The following SMC1A variants were observed in gnomAD, a reference collection of about 807,000 sequenced individuals.
SMC1A encodes the protein structural maintenance of chromosomes 1A.
In SMC1A, 4 loss-of-function variants were observed where a neutral mutation model predicts 94.5. The ratio of observed to expected loss-of-function variants is 0.04; its 90% CI spans 0.02 to 0.10. The LOEUF (loss-of-function observed/expected upper bound fraction) is 0.10, where lower values mean the gene tolerates loss of function less well. Ranked by LOEUF, SMC1A falls within the 10% of genes least tolerant of loss-of-function variation. The probability of loss-of-function intolerance (pLI) is 1.00; values close to 1 mark genes in which losing one functional copy is unlikely to be tolerated. For synonymous variants in SMC1A, 345 were observed against 347.7 expected (o/e 0.99, Z 0.09); for missense variants, 304 against 989.0 (o/e 0.31, Z 9.29).
intron 19 of SMC1A, among the ~76,000 whole-genome samples, chrX:53,388,864 G>A (rs917622851): frequency 9.3e-6 from 1 of 107,475 alleles, no homozygotes; most frequent in Admixed American, 1.0e-4. Flanking sequence ...GGGCGTGGTG[G>A]CGGGCGCCTG....
chrX:53,411,694 G>A, intron 7 of SMC1A, 67 bp downstream of exon 7: 1 of 1,150,945 alleles, frequency 8.7e-7, no homozygotes, highest in Non-Finnish European at 1.2e-6. Context: ...TTTTGGATTT[G>A]GGATGCTCAA....
At chrX:53,400,652 G>A (rs1028259892) in intron 15 of SMC1A, among the ~76,000 whole-genome samples, 1 of 111,066 alleles carries the variant, frequency 9.0e-6, no homozygotes, top group Non-Finnish European at 1.9e-5. Flanking sequence ...CAAAAACATG[G>A]AGAAAATACT....
intron 1 of SMC1A, among the ~76,000 whole-genome samples, chrX:53,417,551 C>CA (rs1318273895): frequency 0.019 from 458 of 24,023 alleles, 7 homozygotes; most frequent in East Asian, 0.025. Context: ...AACTCCATCT[C>CA]AAAAAAAAAA....
chrX:53,391,393 A>G (rs2075628984), intron 19 of SMC1A, among the ~76,000 whole-genome samples: 1 of 106,926 alleles, frequency 9.4e-6, no homozygotes, highest in African/African-American at 3.4e-5. Flanking sequence ...CTGAAACAGG[A>G]GGATCACTTG....
At chrX:53,399,994 T>C (rs1328903195) in intron 15 of SMC1A, among the ~76,000 whole-genome samples, 1 of 111,256 alleles carries the variant, frequency 9.0e-6, no homozygotes, top group Admixed American at 9.6e-5. Flanking sequence ...TATCCCCCTT[T>C]AAACAATGAA....
At chrX:53,402,266 T>C (rs2075673070) in intron 15 of SMC1A, among the ~76,000 whole-genome samples, 1 of 110,976 alleles carries the variant, frequency 9.0e-6, no homozygotes, top group Admixed American at 9.7e-5. Flanking sequence ...GCAAAGACTG[T>C]GTTGTGTTCA....
At position 53,379,889 on chromosome X, in the gene SMC1A, C is replaced by A; in HGVS notation, c.*214G>T. The stretch of plus-strand genomic sequence containing the variant: ...ATGGCCCTGTTCAGCTCAGCACCTC[C>A]TTTCAGAGGCCAGAATACTCCCTGT... On this transcript the variant is annotated 3_prime_UTR_variant, in exon 25 of 25. Coordinates refer to ENST00000322213, the MANE Select transcript of SMC1A (RefSeq NM_006306.4). 2.2e-6 allele frequency: 1 copy of A among 447,036 alleles called. No homozygotes were observed. Among genetic ancestry groups the A allele is most frequent in the Non-Finnish European group, 3.9e-6 (1 of 253,218 alleles). The allele number at this position is 447,036 out of a possible 1,213,427, so 36.8% of individuals were successfully genotyped here. A position where few individuals can be genotyped will look rare whatever the true frequency, so the allele number is the denominator to read the frequency against.
In SMC1A at chrX:53,380,702, G is replaced by A; in HGVS notation, c.3536C>T (p.Thr1179Ile). The stretch of plus-strand genomic sequence containing the variant: ...GATGACGATGGCCTGGAAGTTGCAA[G>A]TCGACTGCTCCTTGATGTAATTTGC... ...KVANYIKEQS[T>I]CNFQAIVISL... The change falls in exon 24 of 25, where the codon ACT becomes ATT. Residue 1179 changes from threonine (T) to isoleucine (I), a missense_variant. Physicochemically the swap from Thr to Ile is moderately conservative, Grantham distance 89 (BLOSUM62 -1). Around this residue, in one of 11 missense-constraint regions of SMC1A, gnomAD observed 24 missense variants for 43.5 expected, o/e 0.55. Transcript: ENST00000322213. 2.5e-6 allele frequency: 3 copies of A among 1,210,050 alleles called. No homozygotes were observed. The East Asian group carries it at 8.9e-5, about 36-fold the overall frequency.
chrX:53,415,816 GAAC>G (rs1556891201), intron 1 of SMC1A, among the ~76,000 whole-genome samples: 2 of 64,361 alleles, frequency 3.1e-5, no homozygotes, highest in African/African-American at 1.3e-4. Context: ...CTGGGTGACA[GAAC>G]AAGACTCTCT....
intron 1 of SMC1A, among the ~76,000 whole-genome samples, chrX:53,419,326 A>C (rs1556891721): frequency 9.1e-6 from 1 of 110,066 alleles, no homozygotes. Flanking sequence ...CGGGAGTTTG[A>C]GACCAGCCTG....
chrX:53,413,077 A>T lies in SMC1A; in HGVS notation c.677T>A (p.Phe226Tyr). ...TTCCACTTCATTATGGTAAAGCTTA[A>T]AGAGCTGCAGCTGTACCTGAGCCCG... ...VVRAQVQLQL[F>Y]KLYHNEVEIE... is the part of the protein sequence containing the mutation. Residue 226 changes from phenylalanine (F) to tyrosine (Y), a missense_variant, in exon 5 of 25, where the codon TTT (phenylalanine) becomes TAT (tyrosine). Phe to Tyr is a conservative substitution (Grantham distance 22, BLOSUM62 3). Around this residue, in one of 11 missense-constraint regions of SMC1A, gnomAD observed 120 missense variants for 314.9 expected, o/e 0.38. Coordinates refer to ENST00000322213, the MANE Select transcript of SMC1A (RefSeq NM_006306.4). The T allele has an allele frequency of 8.3e-7, 1 of 1,211,526 alleles. No homozygotes were observed. The highest frequency in any genetic ancestry group is 1.1e-6 in the Non-Finnish European group (1 of 895,490).
chrX:53,380,863 C>A (rs1292195475), intron 23 of SMC1A, 133 bp from the exon 24 acceptor site: 2 of 621,755 alleles, frequency 3.2e-6, no homozygotes, highest in Non-Finnish European at 5.4e-6. Context: ...TGAGAGGAGA[C>A]TACTGACTAC....
At chrX:53,390,203 G>A (rs1259660381) in intron 19 of SMC1A, among the ~76,000 whole-genome samples, 1 of 106,461 alleles carries the variant, frequency 9.4e-6, no homozygotes, top group Non-Finnish European at 1.9e-5. Context: ...CAGGGGGCGG[G>A]GGGGCCGGGC....
intron 1 of SMC1A, among the ~76,000 whole-genome samples, chrX:53,415,439 G>A (rs1294849047): frequency 3.6e-5 from 4 of 110,972 alleles, no homozygotes; most frequent in African/African-American, 9.8e-5. Context: ...TGTAATCCCA[G>A]CACTTTGGGA....
At chrX:53,385,868 C>G (rs2075602763) in intron 19 of SMC1A, among the ~76,000 whole-genome samples, 2 of 111,562 alleles carry the variant, frequency 1.8e-5, no homozygotes, top group African/African-American at 6.5e-5. Context: ...GTGAAAACCA[C>G]TGGGTAAAAA....
At chrX:53,397,980 G>A (rs1419941510) in intron 16 of SMC1A, among the ~76,000 whole-genome samples, 1 of 109,228 alleles carries the variant, frequency 9.2e-6, no homozygotes, top group Admixed American at 9.9e-5. Context: ...GAGGCCAGGA[G>A]TTCCAGACCA....
chrX:53,418,401 C>A (rs1368023972), intron 1 of SMC1A, among the ~76,000 whole-genome samples: 1 of 111,832 alleles, frequency 8.9e-6, no homozygotes, highest in Non-Finnish European at 1.9e-5. Flanking sequence ...TCCTAAAGTG[C>A]TGGGATTACA....
Position 53,414,978 on chromosome X carries a change from C to G in SMC1A, c.298+3G>C. 8.3e-7 allele frequency: 1 copy of G among 1,211,027 alleles called. No individual in the cohort carries two copies. The highest frequency in any genetic ancestry group is 1.1e-6 in the Non-Finnish European group (1 of 895,155). On this transcript the variant is annotated splice_donor_region_variant and intron_variant, in intron 2 of 24. Coordinates refer to ENST00000322213, the MANE Select transcript of SMC1A (RefSeq NM_006306.4). Reference sequence around the variant, plus strand: ...GGAGAGCTTTCTGGCCAGCCTCACCCACCTACAATGACACGGGCAAAGGTA... The same window carrying G: ...GGAGAGCTTTCTGGCCAGCCTCACCGACCTACAATGACACGGGCAAAGGTA...
chrX:53,385,539 G>A (rs1468783872), intron 19 of SMC1A, among the ~76,000 whole-genome samples: 1 of 109,937 alleles, frequency 9.1e-6, no homozygotes, highest in Non-Finnish European at 1.9e-5. Flanking sequence ...CTCCCAAAGT[G>A]CTTGGGATTA....
Sources: gnomAD v4.1 joint callset for allele counts (sites outside exome capture counted in the v4.1 genomes callset) on GRCh38, gnomAD v4.1.1 for gene constraint, gnomAD v4.1.1 regional missense constraint, MANE v1.5 for transcripts, NCBI Gene and HGNC (gene_info 2026-07-23, HGNC 2026-07-21) for gene names.